The following AGPS variants were observed in gnomAD, a reference collection of about 807,000 sequenced individuals.
AGPS encodes the protein alkyldihydroxyacetonephosphate synthase, peroxisomal.
In AGPS, 26 loss-of-function variants were observed where a neutral mutation model predicts 90.7. The ratio of observed to expected loss-of-function variants is 0.29; its 90% CI spans 0.21 to 0.40. The LOEUF (loss-of-function observed/expected upper bound fraction) is 0.40. AGPS is among the 10% of genes least tolerant of loss of function. AGPS has a pLI of 1.00. For missense variants in AGPS, 540 were observed against 816.1 expected (o/e 0.66, Z 4.12); for synonymous variants, 294 against 285.3 (o/e 1.03, Z -0.31).
Position 177,468,541 on chromosome 2 carries a change from A to G in AGPS, c.1105+17A>G. Reference sequence around the variant, plus strand: ...GATCTGAAGGTAAATATAACTGTAAATTTATTAAGAAAAAATACAGGTTAG... The same window carrying G: ...GATCTGAAGGTAAATATAACTGTAAGTTTATTAAGAAAAAATACAGGTTAG... On this transcript the variant is annotated intron_variant, in intron 10 of 19. Coordinates refer to ENST00000264167, the MANE Select transcript of AGPS (RefSeq NM_003659.4). 6.5e-7 allele frequency: 1 copy of G among 1,548,938 alleles called. No individual in the cohort carries two copies. Among genetic ancestry groups the G allele is most frequent in the Admixed American group, 1.7e-5 (1 of 59,864 alleles).
intron 5 of AGPS, 132 bp downstream of exon 5, chr2:177,437,186 A>G (rs1473355250): frequency 1.2e-6 from 1 of 869,362 alleles, no homozygotes; most frequent in South Asian, 1.4e-5. Flanking sequence ...GAGAGTTTAC[A>G]TAACAGTCTT....
At chr2:177,480,618 C>A (rs181074857) in intron 10 of AGPS, among the ~76,000 whole-genome samples, 3,266 of 151,996 alleles carry the variant, frequency 0.021, 76 homozygotes, top group South Asian at 0.055. Flanking sequence ...AGGAGATATA[C>A]CTAATGTAAA....
chr2:177,418,350 G>C (rs945838636), intron 1 of AGPS, among the ~76,000 whole-genome samples: 1 of 151,980 alleles, frequency 6.6e-6, no homozygotes, highest in African/African-American at 2.4e-5. Flanking sequence ...ACCAAGTTTA[G>C]CTTTTTACTT....
intron 14 of AGPS, among the ~76,000 whole-genome samples, chr2:177,502,437 A>T (rs1164547265): frequency 1.6e-5 from 2 of 128,696 alleles, no homozygotes; most frequent in Non-Finnish European, 3.1e-5. Context: ...TTTTGAGACA[A>T]TGTCTTGCTC....
intron 11 of AGPS, among the ~76,000 whole-genome samples, chr2:177,487,400 G>A (rs1473585474): frequency 2.6e-5 from 4 of 151,978 alleles, no homozygotes; most frequent in Non-Finnish European, 5.9e-5. Flanking sequence ...ACCTTTTGAT[G>A]GAGGGTAATT....
At chr2:177,433,187 G>T (rs1686293170) in intron 2 of AGPS, among the ~76,000 whole-genome samples, 1 of 152,184 alleles carries the variant, frequency 6.6e-6, no homozygotes, top group African/African-American at 2.4e-5. Flanking sequence ...TTTCTTACAT[G>T]TAATTGAGAA....
At chr2:177,507,924 C>T in intron 15 of AGPS, 46 bp from the exon 16 acceptor site, 1 of 1,266,714 alleles carries the variant, frequency 7.9e-7, no homozygotes. Context: ...ATTGATTCTT[C>T]TGCATCTGTT....
chr2:177,453,596 C>A (rs535067363), intron 8 of AGPS, among the ~76,000 whole-genome samples: 1 of 151,326 alleles, frequency 6.6e-6, no homozygotes, highest in South Asian at 2.1e-4. Context: ...CGACACTTAA[C>A]TTAAATACAT....
At chr2:177,400,088 T>C (rs564480505) in intron 1 of AGPS, among the ~76,000 whole-genome samples, 8 of 152,238 alleles carry the variant, frequency 5.3e-5, no homozygotes, top group Non-Finnish European at 1.0e-4. Context: ...TTTATAGATA[T>C]TACTGCATAG....
At chr2:177,443,175 A>G (rs985829883) in intron 7 of AGPS, among the ~76,000 whole-genome samples, 8 of 152,150 alleles carry the variant, frequency 5.3e-5, no homozygotes, top group African/African-American at 1.9e-4. Flanking sequence ...CATAACTATT[A>G]TTATCACTCC....
chr2:177,411,449 T>C (rs1452126231), intron 1 of AGPS, among the ~76,000 whole-genome samples: 1 of 152,182 alleles, frequency 6.6e-6, no homozygotes, highest in Admixed American at 6.5e-5. Flanking sequence ...CCAATCTCCA[T>C]GTTCTGATTC....
intron 8 of AGPS, among the ~76,000 whole-genome samples, chr2:177,453,445 A>AT (rs1400345014): frequency 1.3e-5 from 2 of 151,600 alleles, no homozygotes; most frequent in African/African-American, 2.4e-5. Context: ...CTAATACTAT[A>AT]TTTTTAGTAG....
At chr2:177,440,938 T>C in intron 5 of AGPS, 27 bp from the exon 6 acceptor site, 10 of 1,588,470 alleles carry the variant, frequency 6.3e-6, no homozygotes, top group Non-Finnish European at 8.6e-6. Flanking sequence ...GCCTCTGTAA[T>C]TAATTTATTT....
intron 8 of AGPS, among the ~76,000 whole-genome samples, chr2:177,448,206 A>T (rs1686833273): frequency 2.0e-5 from 3 of 152,040 alleles, no homozygotes; most frequent in African/African-American, 7.2e-5. Context: ...TGGGCAAGTT[A>T]CTCACCTTTA....
At chr2:177,431,655 C>T (rs1201351647) in intron 2 of AGPS, among the ~76,000 whole-genome samples, 3 of 152,138 alleles carry the variant, frequency 2.0e-5, no homozygotes, top group Admixed American at 2.0e-4. Flanking sequence ...GAAAATAATT[C>T]AGCGATATCT....
chr2:177,395,504 T>A (rs1463540679), intron 1 of AGPS, among the ~76,000 whole-genome samples: 1 of 152,232 alleles, frequency 6.6e-6, no homozygotes, highest in Non-Finnish European at 1.5e-5. Flanking sequence ...TTGTATTAGA[T>A]GACACATCAA....
At chr2:177,432,050 T>A (rs1056833708) in intron 2 of AGPS, among the ~76,000 whole-genome samples, 1 of 152,208 alleles carries the variant, frequency 6.6e-6, no homozygotes, top group Admixed American at 6.5e-5. Flanking sequence ...TCCCACAACA[T>A]ATACTAATAT....
At chr2:177,419,598 T>C (rs138683039) in intron 1 of AGPS, among the ~76,000 whole-genome samples, 2 of 152,048 alleles carry the variant, frequency 1.3e-5, no homozygotes, top group East Asian at 3.9e-4. Flanking sequence ...CTATGAAATA[T>C]TGGTGTTTTG....
intron 13 of AGPS, among the ~76,000 whole-genome samples, chr2:177,498,638 A>G (rs1428360237): frequency 1.3e-5 from 2 of 151,622 alleles, no homozygotes; most frequent in Admixed American, 6.6e-5. Flanking sequence ...TAAAAAAAAA[A>G]AAGTCTTTAT....
Sources: gnomAD v4.1 joint callset for allele counts (sites outside exome capture counted in the v4.1 genomes callset) on GRCh38, gnomAD v4.1.1 for gene constraint, MANE v1.5 for transcripts, NCBI Gene and HGNC (gene_info 2026-07-23, HGNC 2026-07-21) for gene names.